ARFGEF2: variants seen among roughly 807,000 people sequenced by gnomAD.
The protein encoded by ARFGEF2 is ARF guanine nucleotide exchange factor 2, also known as brefeldin A-inhibited guanine nucleotide-exchange protein 2.
ARFGEF2 carries 74 observed loss-of-function variants against 219.9 expected under a neutral mutation model. The ratio of observed to expected loss-of-function variants is 0.34; its 90% CI spans 0.28 to 0.41. The LOEUF is 0.41. Ranked by LOEUF, ARFGEF2 falls within the 10% of genes least tolerant of loss-of-function variation. ARFGEF2 has a pLI of 1.00. For missense variants in ARFGEF2, 1,743 were observed against 2,218.3 expected, an observed-to-expected ratio of 0.79 and a Z score of 4.30; for synonymous variants, 733 against 799.2, an observed-to-expected ratio of 0.92 and a Z score of 1.40.
intron 3 of ARFGEF2, among the ~76,000 whole-genome samples, chr20:48,948,592 C>T (rs1250508072): frequency 6.6e-6 from 1 of 152,232 alleles, no homozygotes; most frequent in East Asian, 1.9e-4. Flanking sequence ...TGTAATACAG[C>T]TTACTTACCC....
At chr20:48,931,026 T>C (rs1016084594) in intron 1 of ARFGEF2, among the ~76,000 whole-genome samples, 1 of 152,054 alleles carries the variant, frequency 6.6e-6, no homozygotes, top group African/African-American at 2.4e-5. Context: ...TCAAGTGAGG[T>C]AAAGACTGGA....
At chr20:48,945,744 G>A (rs940265748) in intron 3 of ARFGEF2, among the ~76,000 whole-genome samples, 1 of 152,146 alleles carries the variant, frequency 6.6e-6, no homozygotes, top group African/African-American at 2.4e-5. Flanking sequence ...CACACCTTTA[G>A]TCCCAGTTAC....
At chr20:48,956,573 T>G (rs563686451) in intron 6 of ARFGEF2, among the ~76,000 whole-genome samples, 9 of 152,282 alleles carry the variant, frequency 5.9e-5, no homozygotes, top group African/African-American at 1.9e-4. Flanking sequence ...CTTAGCTCAC[T>G]TTTTGCATCT....
intron 1 of ARFGEF2, among the ~76,000 whole-genome samples, chr20:48,932,525 C>T (rs967873631): frequency 2.6e-5 from 4 of 152,074 alleles, no homozygotes; most frequent in African/African-American, 7.2e-5. Context: ...GAAAAGGGGA[C>T]GCTAGTACAA....
chr20:49,019,081 G>C, intron 34 of ARFGEF2, 83 bp downstream of exon 34: 1 of 1,182,322 alleles, frequency 8.5e-7, no homozygotes, highest in South Asian at 1.3e-5. Flanking sequence ...GGGTAAACAT[G>C]ATAAGCCTTC....
At chr20:48,953,467 C>A in intron 5 of ARFGEF2, 89 bp from the exon 6 acceptor site, 1 of 1,249,648 alleles carries the variant, frequency 8.0e-7, no homozygotes, top group Non-Finnish European at 1.2e-6. Context: ...TTAACCACCG[C>A]GCCCAGCCCA....
Position 48,988,547 on chromosome 20 carries a change from T to G in ARFGEF2, c.2418T>G (p.Asp806Glu). ...QYIKMNRGIN[D>E]SKDLPEEYLS... The stretch of plus-strand genomic sequence containing the variant: ...TTAAAATGAATCGGGGTATCAATGA[T>G]AGTAAAGATCTGCCAGAAGAGTATC... The change falls in exon 18 of 39, where the codon GAT becomes GAG. Residue 806 changes from aspartate (D) to glutamate (E), a missense_variant. Coordinates refer to ENST00000371917, the MANE Select transcript of ARFGEF2 (RefSeq NM_006420.3). 1 of 1,613,700 alleles carries G rather than the reference T, an allele frequency of 6.2e-7. No individual in the cohort carries two copies. Among genetic ancestry groups the G allele is most frequent in the Non-Finnish European group, 8.5e-7 (1 of 1,179,764 alleles).
At chr20:48,968,025 G>A (rs188724804) in intron 8 of ARFGEF2, among the ~76,000 whole-genome samples, 1 of 151,920 alleles carries the variant, frequency 6.6e-6, no homozygotes, top group Non-Finnish European at 1.5e-5. Flanking sequence ...TTGGAGTCTC[G>A]CTCTGTTGCC....
At chr20:49,013,535 T>C (rs751802682) in intron 28 of ARFGEF2, 29 bp from the exon 29 acceptor site, 6 of 1,613,920 alleles carry the variant, frequency 3.7e-6, no homozygotes, top group Non-Finnish European at 5.1e-6. Flanking sequence ...ATGCTTAGTT[T>C]ACACCTGAGA....
chr20:49,025,205 A>T, intron 35 of ARFGEF2, 108 bp from the exon 36 acceptor site: 1 of 1,132,554 alleles, frequency 8.8e-7, no homozygotes, highest in African/African-American at 1.5e-5. Flanking sequence ...TGTGTCTTAT[A>T]GACAGGGATG....
chr20:49,009,702 T>C (rs1192835679), intron 26 of ARFGEF2, among the ~76,000 whole-genome samples: 3 of 152,240 alleles, frequency 2.0e-5, no homozygotes, highest in Non-Finnish European at 2.9e-5. Context: ...CCTTAAACTA[T>C]ATATGTATAC....
At chr20:49,028,175 T>G (rs2091614238) in intron 36 of ARFGEF2, among the ~76,000 whole-genome samples, 1 of 152,106 alleles carries the variant, frequency 6.6e-6, no homozygotes. Flanking sequence ...GGAGAATCGC[T>G]TGAACCTGGG....
At chr20:48,971,088 G>A in intron 9 of ARFGEF2, 32 bp from the exon 10 acceptor site, 7 of 1,576,834 alleles carry the variant, frequency 4.4e-6, no homozygotes, top group Non-Finnish European at 6.1e-6. Context: ...TTTTCTTTTA[G>A]CACTGTTGTG....
intron 6 of ARFGEF2, among the ~76,000 whole-genome samples, chr20:48,962,738 A>C (rs2091161675): frequency 6.6e-6 from 1 of 152,208 alleles, no homozygotes; most frequent in Non-Finnish European, 1.5e-5. Flanking sequence ...CAGAGTGTTA[A>C]GTGCCCAGTG....
chr20:48,974,164 C>T (rs1171776047), intron 12 of ARFGEF2, among the ~76,000 whole-genome samples: 3 of 112,894 alleles, frequency 2.7e-5, no homozygotes, highest in African/African-American at 1.0e-4. Flanking sequence ...CTCACTCTGT[C>T]ACCCAGGCTG....
chr20:48,983,041 C>T (rs2091306503), intron 14 of ARFGEF2, among the ~76,000 whole-genome samples: 1 of 152,218 alleles, frequency 6.6e-6, no homozygotes, highest in Non-Finnish European at 1.5e-5. Flanking sequence ...AACCAGGTAC[C>T]TCAGTTGGAA....
intron 1 of ARFGEF2, among the ~76,000 whole-genome samples, chr20:48,923,743 TTCTTCAGAAAAC>T (rs2123255257): frequency 6.6e-6 from 1 of 152,378 alleles, no homozygotes; most frequent in South Asian, 2.1e-4. Flanking sequence ...TTTTTATTTT[TTCTTCAGAAAAC>T]TTCTTAACAT....
chr20:48,968,731 T>G (rs1461871092), intron 8 of ARFGEF2, among the ~76,000 whole-genome samples: 1 of 152,116 alleles, frequency 6.6e-6, no homozygotes, highest in Non-Finnish European at 1.5e-5. Flanking sequence ...TTAGTTTTGG[T>G]TTTTTTACAG....
chr20:49,019,612 A>G (rs1488342116), intron 34 of ARFGEF2, among the ~76,000 whole-genome samples: 2 of 152,226 alleles, frequency 1.3e-5, no homozygotes, highest in African/African-American at 2.4e-5. Context: ...GAGTCAGTGG[A>G]TAAGTGAATT....
Sources: gnomAD v4.1 joint callset for allele counts (sites outside exome capture counted in the v4.1 genomes callset) on GRCh38, gnomAD v4.1.1 for gene constraint, MANE v1.5 for transcripts, NCBI Gene and HGNC (gene_info 2026-07-23, HGNC 2026-07-21) for gene names.